SORCS2: variants seen among roughly 807,000 people sequenced by gnomAD.
SORCS2 encodes the protein sortilin related VPS10 domain containing receptor 2.
SORCS2 carries 100 observed loss-of-function variants against 141.6 expected under a neutral mutation model. The ratio of observed to expected loss-of-function variants is 0.71; its 90% confidence interval spans 0.60 to 0.83. The LOEUF (loss-of-function observed/expected upper bound fraction) is 0.83, where lower values mean the gene tolerates loss of function less well. Ranked by LOEUF, SORCS2 falls within the 40% of genes least tolerant of loss-of-function variation. The pLI is 0.00. For synonymous variants in SORCS2, 789 were observed against 676.9 expected, an observed-to-expected ratio of 1.17 and a Z score of -2.57; for missense variants, 1,646 against 1,560.2, an observed-to-expected ratio of 1.05 and a Z score of -0.93.
intron 1 of SORCS2, among the ~76,000 whole-genome samples, chr4:7,381,407 G>A (rs1465632525): frequency 1.3e-5 from 2 of 152,180 alleles, no homozygotes; most frequent in Admixed American, 1.3e-4. Flanking sequence ...GCCACGCAGT[G>A]TTAGAGGCCA....
chr4:7,440,882 C>G (rs554437945), intron 2 of SORCS2, among the ~76,000 whole-genome samples: 1 of 152,140 alleles, frequency 6.6e-6, no homozygotes, highest in Non-Finnish European at 1.5e-5. Flanking sequence ...CTGCTGGGTA[C>G]TAGGGGCTCA....
rs559171545 is a variant in SORCS2, at chr4:7,295,894, C to T, written c.481-100394C>T. On this transcript the variant is annotated intron_variant, in intron 1 of 26. Transcript: ENST00000507866. ...CACAGTAGGTGATCAGTGTGGAGAACGCCAGGACGGCTGCTTTCCCATGGC... is the reference window on the plus strand; with the variant it reads ...CACAGTAGGTGATCAGTGTGGAGAATGCCAGGACGGCTGCTTTCCCATGGC... Among the ~76,000 whole-genome samples the T allele has an allele frequency of 2.6e-5, 4 of 152,314 alleles. No individual in the cohort carries two copies. The East Asian group carries it at 7.7e-4, about 29-fold the overall frequency.
chr4:7,270,914 C>T (rs1715080862), intron 1 of SORCS2, among the ~76,000 whole-genome samples: 1 of 152,246 alleles, frequency 6.6e-6, no homozygotes, highest in Non-Finnish European at 1.5e-5. Flanking sequence ...CTTACGTTCT[C>T]TCCAGTTCTC....
At chr4:7,725,955 G>T (rs2148885613) in intron 20 of SORCS2, among the ~76,000 whole-genome samples, 1 of 152,348 alleles carries the variant, frequency 6.6e-6, no homozygotes, top group East Asian at 1.9e-4. Context: ...GGAGCTCAGG[G>T]TCTGGGTTCA....
chr4:7,544,922 G>A (rs1015189639), intron 3 of SORCS2, among the ~76,000 whole-genome samples: 9 of 152,186 alleles, frequency 5.9e-5, no homozygotes, highest in Non-Finnish European at 1.0e-4. Context: ...GGGAAACAGA[G>A]CTGGGGCTAA....
intron 2 of SORCS2, among the ~76,000 whole-genome samples, chr4:7,505,864 A>G (rs1406254394): frequency 6.6e-6 from 1 of 152,208 alleles, no homozygotes; most frequent in East Asian, 1.9e-4. Context: ...AGCTGGAGTG[A>G]AGATTCAGTG....
Position 7,713,948 on chromosome 4 carries a change from G to A in SORCS2, c.1990-292G>A, listed in dbSNP as rs562029752. 2.0e-4 allele frequency among the ~76,000 whole-genome samples: 31 copies of A among 152,360 alleles called. No homozygotes were observed. In the Middle Eastern group the frequency reaches 0.01, roughly 50 times the overall value. On this transcript the variant is annotated intron_variant, in intron 15 of 26. Transcript: ENST00000507866. ...TCAGCCCAGCTCCCACACAGCAGCT[G>A]AGGGGACGAGGGGAACCTCAAAAGG...
intron 1 of SORCS2, among the ~76,000 whole-genome samples, chr4:7,299,540 C>T (rs1182158567): frequency 6.6e-6 from 1 of 152,222 alleles, no homozygotes; most frequent in Non-Finnish European, 1.5e-5. Context: ...ACCCACACCT[C>T]TAGGAAGCGA....
chr4:7,730,647 T>G (rs1393343800), intron 23 of SORCS2, among the ~76,000 whole-genome samples: 1 of 152,204 alleles, frequency 6.6e-6, no homozygotes, highest in Non-Finnish European at 1.5e-5. Flanking sequence ...AAAGACCACG[T>G]AGCGTACAAT....
At chr4:7,362,165 TGGCAAGATGGGATTTGAGGTGGG>T (rs1257664577) in intron 1 of SORCS2, among the ~76,000 whole-genome samples, 2 of 152,028 alleles carry the variant, frequency 1.3e-5, no homozygotes, top group African/African-American at 4.8e-5. Flanking sequence ...GAGAACAAGA[TGGCAAGATGGGATTTGAGGTGGG>T]ACAAACTTGT....
chr4:7,712,734 G>A lies in SORCS2; in HGVS notation c.1870G>A (p.Val624Ile), dbSNP rs375694249. The A allele has an allele frequency of 3.5e-5, 56 of 1,613,824 alleles. No individual in the cohort carries two copies. The highest frequency in any genetic ancestry group is 4.4e-5 in the Non-Finnish European group (52 of 1,179,874). Residue 624 changes from valine (V) to isoleucine (I), a missense_variant and splice_region_variant, in exon 15 of 27, where the codon GTC becomes ATC. Coordinates refer to ENST00000507866, the MANE Select transcript of SORCS2 (RefSeq NM_020777.3). ...EPGDETLVMT[V>I]FGHISFRSDW... Reference sequence around the variant, plus strand: ...CCTTCCCTCCTCTTCCCACCCCAGGGTCTTTGGCCACATCAGCTTCCGCTC... The same window carrying A: ...CCTTCCCTCCTCTTCCCACCCCAGGATCTTTGGCCACATCAGCTTCCGCTC...
chr4:7,391,411 C>T (rs1397533023), intron 1 of SORCS2, among the ~76,000 whole-genome samples: 1 of 152,230 alleles, frequency 6.6e-6, no homozygotes, highest in African/African-American at 2.4e-5. Context: ...CCCTCATCTC[C>T]AGGCAAGTTG....
At chr4:7,230,611 C>T (rs62289714) in intron 1 of SORCS2, among the ~76,000 whole-genome samples, 13,654 of 123,952 alleles carry the variant, frequency 0.11, 664 homozygotes, top group East Asian at 0.18. Flanking sequence ...GTCTCTGGGC[C>T]GGAGCAGTGT....
chr4:7,508,855 A>C (rs1175034157), intron 2 of SORCS2, among the ~76,000 whole-genome samples: 1 of 152,206 alleles, frequency 6.6e-6, no homozygotes, highest in Non-Finnish European at 1.5e-5. Flanking sequence ...TGTGGAAAGA[A>C]AATAAAATAG....
At chr4:7,691,940 A>T (rs550955741) in intron 11 of SORCS2, among the ~76,000 whole-genome samples, 4 of 151,864 alleles carry the variant, frequency 2.6e-5, no homozygotes, top group African/African-American at 9.7e-5. Flanking sequence ...CACCGAGAGC[A>T]GCCCCCCTCA....
At chr4:7,351,699 A>C (rs1720951238) in intron 1 of SORCS2, among the ~76,000 whole-genome samples, 2 of 134,584 alleles carry the variant, frequency 1.5e-5, no homozygotes, top group African/African-American at 5.4e-5. Flanking sequence ...CCATCCATCC[A>C]TCCATCCATC....
intron 1 of SORCS2, among the ~76,000 whole-genome samples, chr4:7,290,885 A>G (rs1052498368): frequency 6.6e-6 from 1 of 152,112 alleles, no homozygotes; most frequent in Non-Finnish European, 1.5e-5. Flanking sequence ...GGAATGGAGC[A>G]GACATAGTCC....
At chr4:7,669,082 G>A (rs1722657187) in intron 8 of SORCS2, among the ~76,000 whole-genome samples, 1 of 152,230 alleles carries the variant, frequency 6.6e-6, no homozygotes, top group African/African-American at 2.4e-5. Flanking sequence ...TTTGCAGGAA[G>A]CACCAGGTCA....
chr4:7,689,587 A>G lies in SORCS2; in HGVS notation c.1590A>G (p.Ala530=), dbSNP rs774140133. 6 of 1,582,374 alleles carry G rather than the reference A, an allele frequency of 3.8e-6. No homozygotes were observed. The highest frequency in any genetic ancestry group is 5.2e-6 in the Non-Finnish European group (6 of 1,164,510). Residue 530 remains alanine (A), a splice_region_variant and synonymous_variant, in exon 11 of 27, where the codon GCA becomes GCG. Transcript: ENST00000507866. Reference sequence around the variant, plus strand: ...CCGCCCCAGGCCTCATCATGGGTGCAGGTAGGTGGCTTCCATCACAGGTGG... The same window carrying G: ...CCGCCCCAGGCCTCATCATGGGTGCGGGTAGGTGGCTTCCATCACAGGTGG... ...KDTAPGLIMG[A]GNLGSQLVEY...
Sources: gnomAD v4.1 joint callset for allele counts (sites outside exome capture counted in the v4.1 genomes callset) on GRCh38, gnomAD v4.1.1 for gene constraint, MANE v1.5 for transcripts, NCBI Gene and HGNC (gene_info 2026-07-23, HGNC 2026-07-21) for gene names.